The following ELAVL4 variants were observed in gnomAD, a reference collection of about 807,000 sequenced individuals.
ELAVL4 encodes the protein ELAV like RNA binding protein 4.
A neutral mutation model predicts 35.6 loss-of-function variants in ELAVL4; 1 was observed. The observed-to-expected ratio is 0.03, with a 90% CI of 0.01 to 0.13. The LOEUF (loss-of-function observed/expected upper bound fraction) is 0.13, where lower values mean the gene tolerates loss of function less well. ELAVL4 is among the 10% of genes least tolerant of loss of function. The pLI is 1.00. For synonymous variants in ELAVL4, 156 were observed against 171.0 expected (o/e 0.91, Z 0.69); for missense variants, 267 against 464.9 (o/e 0.57, Z 3.91).
At chr1:50,199,885 A>T (rs1644298216) in intron 6 of ELAVL4, among the ~76,000 whole-genome samples, 1 of 152,192 alleles carries the variant, frequency 6.6e-6, no homozygotes, top group African/African-American at 2.4e-5. Flanking sequence ...CAGTGAATAG[A>T]ATTTAAAGGG....
At chr1:50,167,418 G>A (rs2148790298) in intron 2 of ELAVL4, among the ~76,000 whole-genome samples, 1 of 152,308 alleles carries the variant, frequency 6.6e-6, no homozygotes, top group East Asian at 1.9e-4. Context: ...ATTGTGTGCA[G>A]GATAGGCAAA....
intron 1 of ELAVL4, among the ~76,000 whole-genome samples, chr1:50,083,740 A>G (rs928187352): frequency 2.6e-5 from 4 of 152,182 alleles, no homozygotes; most frequent in African/African-American, 9.7e-5. Context: ...CAGTATTGAA[A>G]TAGAAAGGAA....
chr1:50,172,251 G>A (rs754412120), intron 2 of ELAVL4, among the ~76,000 whole-genome samples: 5 of 152,112 alleles, frequency 3.3e-5, no homozygotes, highest in Non-Finnish European at 7.4e-5. Context: ...GAATGGCTGG[G>A]AAAATAAGGG....
chr1:50,049,942 G>C (rs1447134810), intron 1 of ELAVL4, among the ~76,000 whole-genome samples: 2 of 152,202 alleles, frequency 1.3e-5, no homozygotes, highest in African/African-American at 4.8e-5. Context: ...TTGTGAGTTA[G>C]AGCTGGTGGC....
chr1:50,172,169 A>G (rs1346833003), intron 2 of ELAVL4, among the ~76,000 whole-genome samples: 1 of 152,178 alleles, frequency 6.6e-6, no homozygotes, highest in Admixed American at 6.5e-5. Flanking sequence ...TACTGCAGCC[A>G]TCAACCATAA....
upstream of ELAVL4, chr1:50,104,047 C>G (rs1364676031): frequency 6.2e-7 from 1 of 1,605,022 alleles, no homozygotes; most frequent in Non-Finnish European, 8.5e-7. Flanking sequence ...GGTAGACCGT[C>G]AATGGGTGGT....
chr1:50,201,737 A>G lies in ELAVL4; in HGVS notation c.*559A>G, dbSNP rs1335541797. 3 of 152,050 alleles carry G rather than the reference A, an allele frequency of 2.0e-5. No homozygotes were observed. The highest frequency in any genetic ancestry group is 7.2e-5 in the African/African-American group (3 of 41,430). The allele number at this position is 152,050 out of a possible 1,614,324, so 9.4% of individuals were successfully genotyped here. On this transcript the variant is annotated 3_prime_UTR_variant, in exon 7 of 7. Coordinates refer to ENST00000371824, the MANE Select transcript of ELAVL4 (RefSeq NM_001144774.3). This position sits in a 1 kb window ranked among gnomAD's most constrained non-coding sequence, Gnocchi z 4.3. The stretch of plus-strand genomic sequence containing the variant: ...AATAAAAATTGCAAAAATAAAAAAA[A>G]ACTTTTGCAAATTTTTTTATTTTTC...
chr1:50,146,132 A>G (rs1031323997), intron 2 of ELAVL4, among the ~76,000 whole-genome samples: 10 of 150,838 alleles, frequency 6.6e-5, no homozygotes, highest in African/African-American at 2.4e-4. Flanking sequence ...AGACAGTTTA[A>G]TTAATCAGCA....
At chr1:50,049,275 T>C (rs927218869) in intron 1 of ELAVL4, among the ~76,000 whole-genome samples, 7 of 152,222 alleles carry the variant, frequency 4.6e-5, no homozygotes, top group Non-Finnish European at 8.8e-5. Context: ...TGCCTCACAT[T>C]ATCCTCCTGC....
intron 1 of ELAVL4, among the ~76,000 whole-genome samples, chr1:50,143,841 G>A (rs776453942): frequency 6.6e-5 from 10 of 152,172 alleles, no homozygotes; most frequent in Middle Eastern, 6.8e-3. Context: ...GACATCTCTG[G>A]GCTTCATCTC....
chr1:50,156,801 C>G (rs950818267), intron 2 of ELAVL4, among the ~76,000 whole-genome samples: 2 of 152,162 alleles, frequency 1.3e-5, no homozygotes, highest in Admixed American at 1.3e-4. Flanking sequence ...GAGACCTTCA[C>G]AAGAGAGGGT....
In ELAVL4 at chr1:50,055,330, C is replaced by T. The variant is rs544018232; in HGVS notation, c.18+7148C>T. Among the ~76,000 whole-genome samples the T allele has an allele frequency of 1.6e-4, 25 of 151,656 alleles. 1 individual carries two copies. In the South Asian group the frequency reaches 4.4e-3, roughly 27 times the overall value. ...TTTGTTTTTGTTTGAGACAGAGTCT[C>T]GCTCTTTCTCCCAGGCTGGAGTGCA... On this transcript the variant is annotated intron_variant, in intron 1 of 6. Coordinates refer to the ELAVL4 transcript ENST00000448907.
At chr1:50,125,254 T>C (rs888361063) in intron 1 of ELAVL4, among the ~76,000 whole-genome samples, 3 of 151,236 alleles carry the variant, frequency 2.0e-5, no homozygotes, top group Non-Finnish European at 4.4e-5. Flanking sequence ...AAAAAAAAAA[T>C]AAAAGTAGAT....
chr1:50,093,707 T>G (rs1665592418), intron 1 of ELAVL4, among the ~76,000 whole-genome samples: 1 of 152,218 alleles, frequency 6.6e-6, no homozygotes, highest in South Asian at 2.1e-4. Context: ...CAACACTTAC[T>G]TAGCAGATAT....
At chr1:50,198,045 T>C (rs1353440079) in intron 6 of ELAVL4, among the ~76,000 whole-genome samples, 1 of 152,218 alleles carries the variant, frequency 6.6e-6, no homozygotes. Flanking sequence ...ATGAAGTGTA[T>C]CTGTGTGCAC....
intron 1 of ELAVL4, among the ~76,000 whole-genome samples, chr1:50,120,986 T>C (rs1572261833): frequency 6.6e-6 from 1 of 152,246 alleles, no homozygotes; most frequent in East Asian, 1.9e-4. Flanking sequence ...TTGTCTTGAC[T>C]GGTCATCTGT....
intron 1 of ELAVL4, among the ~76,000 whole-genome samples, chr1:50,082,444 CAT>C (rs1295523135): frequency 1.3e-5 from 2 of 152,264 alleles, no homozygotes; most frequent in Middle Eastern, 3.4e-3. Context: ...TGCCTTTTTT[CAT>C]ATGTTTGTTG....
intron 1 of ELAVL4, among the ~76,000 whole-genome samples, chr1:50,054,074 G>A (rs541799898): frequency 6.6e-6 from 1 of 152,288 alleles, no homozygotes; most frequent in Admixed American, 6.5e-5. Context: ...AGAGGAGTGA[G>A]CAAGGAGGAA....
upstream of ELAVL4, among the ~76,000 whole-genome samples, chr1:50,104,775 G>A (rs1666177254): frequency 6.6e-6 from 1 of 152,192 alleles, no homozygotes. Flanking sequence ...TATAAGTGAT[G>A]TAATTTATTT....
Sources: allele counts gnomAD v4.1 joint callset (sites outside exome capture counted in the v4.1 genomes callset), GRCh38; gene constraint gnomAD v4.1.1; non-coding constraint Gnocchi (gnomAD v3.1); transcripts MANE v1.5; gene names NCBI Gene and HGNC (gene_info 2026-07-23, HGNC 2026-07-21).